LMBRD1: variants seen among roughly 807,000 people sequenced by gnomAD.
LMBRD1 encodes the protein lysosomal cobalamin transport escort protein LMBD1.
A neutral mutation model predicts 74.8 loss-of-function variants in LMBRD1; 64 were observed. The ratio of observed to expected loss-of-function variants is 0.86; its 90% CI spans 0.70 to 1.05. LMBRD1 has a LOEUF of 1.05. Ranked by LOEUF, LMBRD1 falls within the 50% of genes least tolerant of loss-of-function variation. The pLI is 0.00. For synonymous variants in LMBRD1, 204 were observed against 216.3 expected (o/e 0.94, Z 0.50); for missense variants, 652 against 645.9 (o/e 1.01, Z -0.10).
intron 5 of LMBRD1, among the ~76,000 whole-genome samples, chr6:69,743,275 C>T (rs1261546752): frequency 6.6e-6 from 1 of 152,102 alleles, no homozygotes; most frequent in Non-Finnish European, 1.5e-5. Context: ...AAATACCACC[C>T]ATCATACTAT....
chr6:69,701,449 T>C lies in LMBRD1; in HGVS notation c.1077A>G (p.Leu359=). ...SNPLNMLLPL[L]QTVFPLDYIL... ...TGATTGATATTTTACTTACTGTTTG[T>C]AGTAAAGGCAAAAGCATATTCAGTG... Residue 359 remains leucine (L), a synonymous_variant, in exon 11 of 16, where the codon CTA becomes CTG. Transcript: ENST00000649934. 1.9e-6 allele frequency: 3 copies of C among 1,565,344 alleles called. No homozygotes were observed. Among genetic ancestry groups the C allele is most frequent in the Non-Finnish European group, 2.6e-6 (3 of 1,137,220 alleles).
chr6:69,686,721 C>A (rs1765772024), intron 14 of LMBRD1, among the ~76,000 whole-genome samples: 1 of 152,160 alleles, frequency 6.6e-6, no homozygotes, highest in Non-Finnish European at 1.5e-5. Flanking sequence ...CCACCATAAG[C>A]TCTCCCTTGG....
chr6:69,752,377 C>T (rs748164832), intron 3 of LMBRD1, 21 bp from the exon 4 acceptor site: 3 of 1,571,968 alleles, frequency 1.9e-6, no homozygotes, highest in Admixed American at 3.4e-5. Flanking sequence ...AAATAATAAA[C>T]CGAGCTTTAC....
At chr6:69,767,006 A>G (rs1206687521) in intron 3 of LMBRD1, among the ~76,000 whole-genome samples, 2 of 151,834 alleles carry the variant, frequency 1.3e-5, no homozygotes, top group Non-Finnish European at 3.0e-5. Flanking sequence ...AAAGTTACTC[A>G]ACATTCCTTT....
chr6:69,697,852 G>C (rs534930297), intron 13 of LMBRD1, among the ~76,000 whole-genome samples: 52 of 152,136 alleles, frequency 3.4e-4, no homozygotes, highest in Non-Finnish European at 6.0e-4. Context: ...TTTAGGTCCT[G>C]TGTTGAACAA....
chr6:69,790,046 G>C (rs1766043731), intron 2 of LMBRD1, among the ~76,000 whole-genome samples: 1 of 152,222 alleles, frequency 6.6e-6, no homozygotes, highest in South Asian at 2.1e-4. Flanking sequence ...AGGGAGTTAT[G>C]AGCAGCAAAA....
At chr6:69,680,915 T>C (rs1484298965) in intron 14 of LMBRD1, among the ~76,000 whole-genome samples, 5 of 152,080 alleles carry the variant, frequency 3.3e-5, no homozygotes, top group African/African-American at 7.2e-5. Context: ...AGGAGATATA[T>C]AGATTTCTTT....
At chr6:69,682,845 G>A (rs911507409) in intron 14 of LMBRD1, among the ~76,000 whole-genome samples, 3 of 151,974 alleles carry the variant, frequency 2.0e-5, no homozygotes, top group African/African-American at 7.2e-5. Context: ...TTCTTTGTAA[G>A]TGACATACAG....
chr6:69,743,256 T>C (rs1767146157), intron 5 of LMBRD1, among the ~76,000 whole-genome samples: 1 of 152,170 alleles, frequency 6.6e-6, no homozygotes, highest in South Asian at 2.1e-4. Flanking sequence ...AAAATTTCTA[T>C]GTTGTACAAA....
chr6:69,730,044 A>G (rs1157627166), intron 7 of LMBRD1, among the ~76,000 whole-genome samples: 1 of 150,616 alleles, frequency 6.6e-6, no homozygotes, highest in Non-Finnish European at 1.5e-5. Flanking sequence ...GAATTTCCAG[A>G]AAAAAAAATC....
At chr6:69,690,061 ATTT>A (rs11365730) in intron 14 of LMBRD1, among the ~76,000 whole-genome samples, 1 of 147,838 alleles carries the variant, frequency 6.8e-6, no homozygotes, top group Non-Finnish European at 1.5e-5. Flanking sequence ...TCATTCATTC[ATTT>A]TTTTTTTTTT....
Position 69,741,947 on chromosome 6 carries a change from A to T in LMBRD1, c.474-70T>A, listed in dbSNP as rs576357557. On this transcript the variant is annotated intron_variant, in intron 5 of 15. Transcript: ENST00000649934. ...AGTTAAATTAAATGGTTTGAAACTC[A>T]AATTATTTTTCTCCAAAACAATAAA... 26 of 885,676 alleles carry T rather than the reference A, an allele frequency of 2.9e-5. No individual in the cohort carries two copies. In the East Asian group the frequency reaches 6.5e-4, roughly 22 times the overall value. The allele number at this position is 885,676 out of a possible 1,614,324, so 54.9% of individuals were successfully genotyped here.
chr6:69,759,801 T>G (rs1765339752), intron 3 of LMBRD1, among the ~76,000 whole-genome samples: 1 of 152,150 alleles, frequency 6.6e-6, no homozygotes. Context: ...TCGTAGTATG[T>G]ACTACTCAAA....
At chr6:69,697,452 A>G (rs531496401) in intron 14 of LMBRD1, 111 bp downstream of exon 14, 167 of 771,506 alleles carry the variant, frequency 2.2e-4, no homozygotes, top group Non-Finnish European at 3.5e-4. Flanking sequence ...ACTTGCTAAA[A>G]GTTTCCTTCT....
At chr6:69,775,942 T>C (rs1562122242) in intron 3 of LMBRD1, among the ~76,000 whole-genome samples, 2 of 152,212 alleles carry the variant, frequency 1.3e-5, no homozygotes, top group Admixed American at 1.3e-4. Context: ...TCACCAATGA[T>C]AAAACTGAAG....
At chr6:69,694,389 A>C (rs3799105) in intron 14 of LMBRD1, among the ~76,000 whole-genome samples, 54,765 of 151,996 alleles carry the variant, frequency 0.36, 10,451 homozygotes, top group East Asian at 0.54. Flanking sequence ...ATCCAGCTAA[A>C]TATGCAACTC....
At position 69,713,641 on chromosome 6, in the gene LMBRD1, T is replaced by G. The variant is rs767376739; in HGVS notation, c.915+4A>C. 3.7e-6 allele frequency: 6 copies of G among 1,613,178 alleles called. No homozygotes were observed. The highest frequency in any genetic ancestry group is 1.7e-5 in the Admixed American group (1 of 59,912). On this transcript the variant is annotated splice_donor_region_variant and intron_variant, in intron 9 of 15. Transcript: ENST00000649934. The stretch of plus-strand genomic sequence containing the variant: ...ACAGCATAATTTTTAAAAACTTCAT[T>G]TACCTTCAGGGGACGCAGAGCGCCA...
Position 69,735,561 on chromosome 6 carries a change from A to G in LMBRD1, c.636+2381T>C, listed in dbSNP as rs531747886. Among the ~76,000 whole-genome samples the G allele has an allele frequency of 1.3e-4, 20 of 152,328 alleles. No homozygotes were observed. In the East Asian group the frequency reaches 1.5e-3, roughly 12 times the overall value. ...CTATGTCAGTTTAATTGATTTAAAT[A>G]ATTTTCAAAGTTTCCATTTAAATAT... is the stretch of plus-strand genomic sequence containing the variant. On this transcript the variant is annotated intron_variant, in intron 7 of 15. Transcript: ENST00000649934.
chr6:69,740,125 C>A (rs1022579291), intron 6 of LMBRD1, among the ~76,000 whole-genome samples: 12 of 151,728 alleles, frequency 7.9e-5, no homozygotes, highest in African/African-American at 1.5e-4. Flanking sequence ...ATCAATCAAT[C>A]AATAAAAAGG....
Sources: allele counts gnomAD v4.1 joint callset (sites outside exome capture counted in the v4.1 genomes callset), GRCh38; gene constraint gnomAD v4.1.1; transcripts MANE v1.5; gene names NCBI Gene and HGNC (gene_info 2026-07-23, HGNC 2026-07-21).